The following GK variants were observed in gnomAD, a reference collection of about 807,000 sequenced individuals.
The protein encoded by GK is ATP:glycerol 3-phosphotransferase.
In GK, 9 loss-of-function variants were observed where a neutral mutation model predicts 56.4. The observed-to-expected ratio is 0.16, with a 90% CI of 0.10 to 0.28. GK has a LOEUF of 0.28. Ranked by LOEUF, GK falls within the 10% of genes least tolerant of loss-of-function variation. The probability of loss-of-function intolerance (pLI) is 1.00; values close to 1 mark genes in which losing one functional copy is unlikely to be tolerated. For synonymous variants in GK, 104 were observed against 144.1 expected, an observed-to-expected ratio of 0.72 and a Z score of 1.99; for missense variants, 161 against 431.4, an observed-to-expected ratio of 0.37 and a Z score of 5.55.
chrX:30,700,649 C>T (rs1422644674), intron 10 of GK, among the ~76,000 whole-genome samples, 189 bp from the exon 11 acceptor site: 4 of 112,114 alleles, frequency 3.6e-5, no homozygotes, highest in Admixed American at 9.5e-5. Flanking sequence ...TCTCCCTTCC[C>T]ATACCTATTA....
chrX:30,686,373 TGTATAACTGTCAGC>T (rs1356488938), intron 4 of GK, among the ~76,000 whole-genome samples: 1 of 112,379 alleles, frequency 8.9e-6, no homozygotes, highest in Non-Finnish European at 1.9e-5. Flanking sequence ...AATAACACTT[TGTATAACTGTCAGC>T]AGTCTGTGCT....
Position 30,720,071 on chromosome X carries a change from A to G in GK, c.1212A>G (p.Glu404=). 2 of 1,189,767 alleles carry G rather than the reference A, an allele frequency of 1.7e-6. No individual in the cohort carries two copies. Among genetic ancestry groups the G allele is most frequent in the Non-Finnish European group, 2.3e-6 (2 of 875,324 alleles). ...NKCHIAFAAL[E]AVCFQTREIL... is the part of the protein sequence containing the mutation. ...GCCATATTGCTTTTGCTGCATTAGA[A>G]GCTGTTTGTTTCCAAACTCGAGAGG... Residue 404 remains glutamate (E), a synonymous_variant, in exon 16 of 21, where the codon GAA becomes GAG. Coordinates refer to ENST00000427190, the MANE Select transcript of GK (RefSeq NM_001205019.2).
chrX:30,689,959 C>G (rs755152161), intron 4 of GK, among the ~76,000 whole-genome samples: 2 of 111,583 alleles, frequency 1.8e-5, no homozygotes, highest in South Asian at 7.6e-4. Flanking sequence ...CTACAGAAAC[C>G]CGTATCTTGT....
intron 13 of GK, among the ~76,000 whole-genome samples, chrX:30,709,915 T>C (rs886364607): frequency 8.1e-5 from 9 of 111,367 alleles, no homozygotes; most frequent in Non-Finnish European, 5.7e-5. Context: ...AATTTCATAA[T>C]AGTGATTTTA....
rs1937323615 is a variant in GK at position 30,731,091 on chromosome X, G to A, written c.*2349G>A. ...CCAACTAATCAGTAAAATAAGTAATGCATCTCTGCTTCTGTAATGATATCT... is the reference window on the plus strand; with the variant it reads ...CCAACTAATCAGTAAAATAAGTAATACATCTCTGCTTCTGTAATGATATCT... On this transcript the variant is annotated 3_prime_UTR_variant, in exon 21 of 21. Coordinates refer to ENST00000427190, the MANE Select transcript of GK (RefSeq NM_001205019.2). 1 of 112,076 alleles carries A rather than the reference G, an allele frequency of 8.9e-6. No homozygotes were observed. Among genetic ancestry groups the A allele is most frequent in the Admixed American group, 9.5e-5 (1 of 10,488 alleles). 9.2% of individuals were successfully genotyped at this position (112,076 alleles called of 1,213,427 possible).
intron 8 of GK, 94 bp from the exon 9 acceptor site, chrX:30,697,638 A>T (rs1406039513): frequency 1.1e-5 from 7 of 625,672 alleles, no homozygotes; most frequent in Non-Finnish European, 1.9e-5. Context: ...GTTTCACAGG[A>T]TGGTTAGAAA....
intron 4 of GK, among the ~76,000 whole-genome samples, chrX:30,685,142 T>G (rs1934524091): frequency 9.0e-6 from 1 of 110,870 alleles, no homozygotes; most frequent in South Asian, 3.8e-4. Flanking sequence ...TTTTTTTTCT[T>G]TTTTTTTGAG....
chrX:30,697,746 C>T lies in GK; in HGVS notation c.744C>T (p.Ser248=), dbSNP rs778331417. The change falls in exon 9 of 21, where the codon AGC becomes AGT. Residue 248 remains serine, a synonymous_variant. Coordinates refer to ENST00000427190, the MANE Select transcript of GK (RefSeq NM_001205019.2). ...GCTGACTATAGAAAATCTCTCATAG[C>T]GTGGTGAGTAGGTTGCCCGCCAATT... ...EIYGLMKISH[S]VKAGALEGVP... 8 of 1,164,214 alleles carry T rather than the reference C, an allele frequency of 6.9e-6. No homozygotes were observed. Among genetic ancestry groups the T allele is most frequent in the Admixed American group, 6.5e-5 (3 of 45,858 alleles).
chrX:30,662,873 T>G (rs866381815), intron 1 of GK, among the ~76,000 whole-genome samples: 2 of 76,300 alleles, frequency 2.6e-5, no homozygotes, highest in Non-Finnish European at 4.9e-5. Flanking sequence ...TTCTTTCTCT[T>G]TCTTTCTTTC....
At chrX:30,726,160 G>A (rs1031423964) in intron 19 of GK, among the ~76,000 whole-genome samples, 1 of 111,837 alleles carries the variant, frequency 8.9e-6, no homozygotes, top group South Asian at 3.7e-4. Flanking sequence ...AACAAAAAAA[G>A]ATATCATTGC....
intron 11 of GK, among the ~76,000 whole-genome samples, chrX:30,702,554 G>T (rs1174357657): frequency 9.0e-6 from 1 of 111,648 alleles, no homozygotes; most frequent in African/African-American, 3.3e-5. Flanking sequence ...TATAGATCAA[G>T]AAACTGAGAA....
intron 19 of GK, among the ~76,000 whole-genome samples, 192 bp downstream of exon 19, chrX:30,724,373 T>A (rs1350933541): frequency 8.9e-6 from 1 of 112,287 alleles, no homozygotes; most frequent in African/African-American, 3.2e-5. Context: ...TATACATACT[T>A]TAACTTTATC....
intron 18 of GK, chrX:30,721,293 A>G: frequency 4.1e-6 from 1 of 245,761 alleles, no homozygotes; most frequent in Non-Finnish European, 6.8e-6. Context: ...TAGTTAGAAT[A>G]GCCTTTTTTT....
At position 30,669,671 on chromosome X, in the gene GK, T is replaced by G. The variant is rs188194541; in HGVS notation, c.259+1553T>G. Among the ~76,000 whole-genome samples the G allele has an allele frequency of 1.9e-4, 21 of 111,704 alleles. No individual in the cohort carries two copies. In the East Asian group the frequency reaches 5.9e-3, roughly 31 times the overall value. ...AAGGGCTCTTTTTTTCCTCCTTAGG[T>G]AGTTTGACTATAGATAGAGAGAACA... On this transcript the variant is annotated intron_variant, in intron 3 of 20. Transcript: ENST00000427190.
At chrX:30,659,833 C>T (rs926950628) in intron 1 of GK, among the ~76,000 whole-genome samples, 1 of 112,098 alleles carries the variant, frequency 8.9e-6, no homozygotes. Context: ...ACTGCAACCT[C>T]CACCTCCTGA....
intron 11 of GK, among the ~76,000 whole-genome samples, chrX:30,702,130 C>T (rs1054287517): frequency 2.7e-5 from 3 of 110,312 alleles, no homozygotes; most frequent in Non-Finnish European, 5.7e-5. Flanking sequence ...GCAACCTCCG[C>T]CTCCCAAGTT....
chrX:30,710,471 T>A (rs755595960), intron 13 of GK, among the ~76,000 whole-genome samples: 39 of 112,012 alleles, frequency 3.5e-4, no homozygotes, highest in South Asian at 7.3e-4. Context: ...TTAAAAAAAA[T>A]TAAATTAAAC....
chrX:30,656,935 C>A (rs1932335083), intron 1 of GK, among the ~76,000 whole-genome samples: 1 of 112,618 alleles, frequency 8.9e-6, no homozygotes, highest in East Asian at 2.8e-4. Context: ...ACTGCAGCCT[C>A]TGCCTCCCAG....
chrX:30,704,642 A>G (rs1253070797), intron 11 of GK, among the ~76,000 whole-genome samples: 5 of 105,749 alleles, frequency 4.7e-5, no homozygotes, highest in Non-Finnish European at 9.8e-5. Flanking sequence ...CATGATCTCA[A>G]CTCACTGCAA....
Sources: gnomAD v4.1 joint callset for allele counts (sites outside exome capture counted in the v4.1 genomes callset) on GRCh38, gnomAD v4.1.1 for gene constraint, MANE v1.5 for transcripts, NCBI Gene and HGNC (gene_info 2026-07-23, HGNC 2026-07-21) for gene names.